Variants in ERC2 observed in about 807,000 individuals in gnomAD.
The protein encoded by ERC2 is ERC protein 2.
ERC2 carries 42 observed loss-of-function variants against 114.8 expected under a neutral mutation model. The ratio of observed to expected loss-of-function variants is 0.37; its 90% CI spans 0.29 to 0.47. The LOEUF (loss-of-function observed/expected upper bound fraction) is 0.47. ERC2 is among the 20% of genes least tolerant of loss of function. ERC2 has a pLI of 0.99. For synonymous variants in ERC2, 454 were observed against 425.5 expected, an observed-to-expected ratio of 1.07 and a Z score of -0.82; for missense variants, 939 against 1,150.7, an observed-to-expected ratio of 0.82 and a Z score of 2.66.
chr3:55,669,148 T>G (rs1420327814), intron 17 of ERC2, among the ~76,000 whole-genome samples: 1 of 152,198 alleles, frequency 6.6e-6, no homozygotes, highest in Non-Finnish European at 1.5e-5. Flanking sequence ...AATTATATTT[T>G]TCACCCTAAA....
At chr3:56,178,748 G>GT (rs971595513) in intron 3 of ERC2, among the ~76,000 whole-genome samples, 29 of 151,300 alleles carry the variant, frequency 1.9e-4, no homozygotes, top group South Asian at 4.2e-4. Flanking sequence ...ATAGTTGTTT[G>GT]TTTTTTTTTA....
chr3:55,953,249 C>G (rs951771205), intron 12 of ERC2, among the ~76,000 whole-genome samples: 14 of 151,354 alleles, frequency 9.2e-5, no homozygotes, highest in Non-Finnish European at 1.9e-4. Context: ...ATGGGGTACT[C>G]TAGTTTTGAC....
intron 7 of ERC2, among the ~76,000 whole-genome samples, chr3:56,045,148 G>T (rs1015441661): frequency 1.3e-5 from 2 of 151,910 alleles, no homozygotes; most frequent in Non-Finnish European, 2.9e-5. Context: ...TTTTTTAGTT[G>T]GCATAAAGTT....
intron 3 of ERC2, among the ~76,000 whole-genome samples, chr3:56,234,147 T>C (rs1290894506): frequency 6.6e-6 from 1 of 152,346 alleles, no homozygotes; most frequent in East Asian, 1.9e-4. Context: ...GATAATCTAC[T>C]ACAATTCTAT....
At chr3:56,244,623 TA>T (rs138846129) in intron 3 of ERC2, among the ~76,000 whole-genome samples, 5 of 151,702 alleles carry the variant, frequency 3.3e-5, no homozygotes, top group Non-Finnish European at 7.4e-5. Context: ...GTTAAAACAG[TA>T]AAAAAAATTA....
chr3:55,640,539 C>A (rs894213043), intron 17 of ERC2, among the ~76,000 whole-genome samples: 1 of 152,168 alleles, frequency 6.6e-6, no homozygotes, highest in Non-Finnish European at 1.5e-5. Context: ...GATTAATGAG[C>A]TTCCTCCCCT....
intron 4 of ERC2, among the ~76,000 whole-genome samples, chr3:56,171,409 T>C (rs1183639065): frequency 6.6e-6 from 1 of 152,156 alleles, no homozygotes; most frequent in Non-Finnish European, 1.5e-5. Context: ...GGCAGTGCTT[T>C]TGTAAGTTAA....
chr3:56,041,224 A>G (rs1181574770), intron 7 of ERC2, among the ~76,000 whole-genome samples: 1 of 151,906 alleles, frequency 6.6e-6, no homozygotes, highest in African/African-American at 2.4e-5. Context: ...TTTACATTCT[A>G]TGTATATCTT....
In ERC2 at chr3:55,810,898, C is replaced by A. The variant is rs137865457; in HGVS notation, c.2565-75980G>T. 2.8e-4 allele frequency among the ~76,000 whole-genome samples: 42 copies of A among 152,198 alleles called. 1 individual carries two copies. The East Asian group carries it at 7.7e-3, about 28-fold the overall frequency. On this transcript the variant is annotated intron_variant, in intron 14 of 17. Transcript: ENST00000288221. ...TTAATAGATGTGGATATCCATGTAC[C>A]TAGATCTTTATGTATCTGTCTAGTA...
At chr3:55,669,272 G>T (rs2061467688) in intron 17 of ERC2, among the ~76,000 whole-genome samples, 1 of 152,170 alleles carries the variant, frequency 6.6e-6, no homozygotes, top group African/African-American at 2.4e-5. Context: ...GCCAGCTGCT[G>T]GCAGCCATGA....
At chr3:55,793,681 C>T (rs1037768845) in intron 14 of ERC2, among the ~76,000 whole-genome samples, 1 of 152,086 alleles carries the variant, frequency 6.6e-6, no homozygotes, top group African/African-American at 2.4e-5. Flanking sequence ...AAATAATTTA[C>T]ACTGAATCTG....
intron 3 of ERC2, among the ~76,000 whole-genome samples, chr3:56,194,503 T>C (rs1038149317): frequency 2.6e-5 from 4 of 152,116 alleles, no homozygotes; most frequent in Non-Finnish European, 5.9e-5. Context: ...ATGGTCTACC[T>C]ATACAGGGCA....
At chr3:56,295,796 G>A (rs1347845556) in intron 3 of ERC2, among the ~76,000 whole-genome samples, 1 of 152,160 alleles carries the variant, frequency 6.6e-6, no homozygotes, top group Non-Finnish European at 1.5e-5. Flanking sequence ...GTATATGCTT[G>A]GATCGCGGAT....
At chr3:56,360,106 C>A (rs113379574) in intron 2 of ERC2, among the ~76,000 whole-genome samples, 3,011 of 147,012 alleles carry the variant, frequency 0.02, 115 homozygotes, top group African/African-American at 0.072. Context: ...GTTCTGTCAC[C>A]CAGGCTGGAG....
chr3:56,240,663 C>A (rs1394121625), intron 3 of ERC2, among the ~76,000 whole-genome samples: 2 of 151,950 alleles, frequency 1.3e-5, no homozygotes, highest in African/African-American at 4.8e-5. Flanking sequence ...AGTCCAATTT[C>A]AGAGACACAA....
chr3:56,259,157 A>C, intron 3 of ERC2, among the ~76,000 whole-genome samples: 1 of 151,964 alleles, frequency 6.6e-6, no homozygotes, highest in Non-Finnish European at 1.5e-5. Flanking sequence ...TTTTTAGCAG[A>C]GACGGGGTTT....
At chr3:56,331,986 A>C (rs917548229) in intron 2 of ERC2, among the ~76,000 whole-genome samples, 9 of 152,124 alleles carry the variant, frequency 5.9e-5, no homozygotes, top group African/African-American at 1.9e-4. Flanking sequence ...CTGAAGATTC[A>C]CTGGTGAACT....
intron 14 of ERC2, among the ~76,000 whole-genome samples, chr3:55,794,537 A>G (rs2070319168): frequency 6.6e-6 from 1 of 152,230 alleles, no homozygotes; most frequent in African/African-American, 2.4e-5. Flanking sequence ...ACAATGAATT[A>G]TGTTTATCTC....
At chr3:56,406,150 C>T (rs1251694392) in intron 2 of ERC2, among the ~76,000 whole-genome samples, 1 of 152,188 alleles carries the variant, frequency 6.6e-6, no homozygotes, top group African/African-American at 2.4e-5. Flanking sequence ...ACATCAGCTT[C>T]CCAAAGTACT....
Sources: gnomAD v4.1 joint callset for allele counts (sites outside exome capture counted in the v4.1 genomes callset) on GRCh38, gnomAD v4.1.1 for gene constraint, MANE v1.5 for transcripts, NCBI Gene and HGNC (gene_info 2026-07-23, HGNC 2026-07-21) for gene names.